DOCK3: variants seen among roughly 807,000 people sequenced by gnomAD.
DOCK3 encodes the protein dedicator of cytokinesis protein 3.
DOCK3 carries 60 observed loss-of-function variants against 265.6 expected under a neutral mutation model. The ratio of observed to expected loss-of-function variants is 0.23; its 90% CI spans 0.18 to 0.28. The LOEUF (loss-of-function observed/expected upper bound fraction) is 0.28, where lower values mean the gene tolerates loss of function less well. Ranked by LOEUF, DOCK3 falls within the 10% of genes least tolerant of loss-of-function variation. The pLI, the probability that DOCK3 is intolerant of heterozygous loss-of-function variation, is 1.00. For synonymous variants in DOCK3, 881 were observed against 938.0 expected (o/e 0.94, Z 1.11); for missense variants, 1,981 against 2,594.3 (o/e 0.76, Z 5.14).
chr3:51,209,188 C>T (rs2108145725), intron 13 of DOCK3, among the ~76,000 whole-genome samples: 1 of 152,284 alleles, frequency 6.6e-6, no homozygotes, highest in Admixed American at 6.5e-5. Context: ...AGATTATACT[C>T]AGCCAAATAA....
At position 51,354,632 on chromosome 3, in the gene DOCK3, G is replaced by A. The variant is rs150195706; in HGVS notation, c.4108-250G>A. Among the ~76,000 whole-genome samples the A allele has an allele frequency of 2.1e-3, 313 of 152,164 alleles. 3 individuals are homozygous for A. Among genetic ancestry groups the A allele is most frequent in the African/African-American group, 6.7e-3 (280 of 41,498 alleles). On this transcript the variant is annotated intron_variant, in intron 40 of 52. Coordinates refer to ENST00000266037, the MANE Select transcript of DOCK3 (RefSeq NM_004947.5). ...TCTCCCACCTTGCTCTCTTTCCTGC[G>A]TAAGGTTTTTCTTCTTCTTCCAAGC...
At chr3:51,337,442 C>T (rs2084945286) in intron 35 of DOCK3, among the ~76,000 whole-genome samples, 1 of 152,174 alleles carries the variant, frequency 6.6e-6, no homozygotes, top group African/African-American at 2.4e-5. Context: ...CACTCTCCAA[C>T]CTGACCCTAG....
intron 5 of DOCK3, among the ~76,000 whole-genome samples, chr3:51,052,913 T>C (rs1320744295): frequency 6.6e-6 from 1 of 151,724 alleles, no homozygotes; most frequent in African/African-American, 2.4e-5. Context: ...ATCATTGCAC[T>C]AGTGCAGGTT....
rs189145361 is a variant in DOCK3, at chr3:50,941,399, A to G, written c.315+7322A>G. 2.6e-3 allele frequency among the ~76,000 whole-genome samples: 389 copies of G among 152,276 alleles called. 1 individual carries two copies. Among genetic ancestry groups the G allele is most frequent in the Non-Finnish European group, 4.2e-3 (285 of 67,972 alleles). ...TATACCTGTTAGAATGACTGAAATA[A>G]AAATTACTGCTAATACCAAGTGATG... is the stretch of plus-strand genomic sequence containing the variant. On this transcript the variant is annotated intron_variant, in intron 5 of 52. Transcript: ENST00000266037.
At chr3:51,095,931 T>A (rs920627285) in intron 9 of DOCK3, among the ~76,000 whole-genome samples, 15 of 132,662 alleles carry the variant, frequency 1.1e-4, no homozygotes, top group Non-Finnish European at 2.1e-4. Context: ...AAAAAGAATG[T>A]TGACTATTGG....
intron 1 of DOCK3, among the ~76,000 whole-genome samples, chr3:50,738,543 T>C (rs1006077834): frequency 6.6e-6 from 1 of 152,240 alleles, no homozygotes; most frequent in Non-Finnish European, 1.5e-5. Context: ...TTTTAAAGAA[T>C]GACCTCTGCT....
chr3:50,965,696 C>G (rs779936510), intron 5 of DOCK3, among the ~76,000 whole-genome samples: 1 of 152,032 alleles, frequency 6.6e-6, no homozygotes, highest in Non-Finnish European at 1.5e-5. Flanking sequence ...AATGGCTTCC[C>G]TTTAGAATTT....
At chr3:50,824,726 TAA>T (rs1221459642) in intron 2 of DOCK3, among the ~76,000 whole-genome samples, 2 of 152,228 alleles carry the variant, frequency 1.3e-5, no homozygotes, top group Non-Finnish European at 2.9e-5. Context: ...TCTGATGCCT[TAA>T]GTTATCCTCT....
chr3:51,199,492 G>GC (rs1444844647), intron 12 of DOCK3, among the ~76,000 whole-genome samples: 1 of 152,194 alleles, frequency 6.6e-6, no homozygotes, highest in African/African-American at 2.4e-5. Context: ...GGGGAGGGGC[G>GC]CCCGCCATTG....
At chr3:50,803,131 T>G (rs1418341879) in intron 2 of DOCK3, among the ~76,000 whole-genome samples, 1 of 152,018 alleles carries the variant, frequency 6.6e-6, no homozygotes, top group Admixed American at 6.6e-5. Flanking sequence ...GACGGGGATT[T>G]GGCAGGGTCG....
intron 1 of DOCK3, among the ~76,000 whole-genome samples, chr3:50,738,478 A>G (rs991701215): frequency 9.2e-5 from 14 of 152,196 alleles, no homozygotes; most frequent in Non-Finnish European, 1.6e-4. Flanking sequence ...GCTCGCAGTC[A>G]TTTTAGAAAT....
chr3:51,290,951 A>G (rs2081723809), intron 27 of DOCK3, among the ~76,000 whole-genome samples: 1 of 152,042 alleles, frequency 6.6e-6, no homozygotes, highest in Admixed American at 6.6e-5. Flanking sequence ...GGTGGCGGGC[A>G]CCTGTAATCC....
chr3:50,838,343 G>A (rs1268571185), intron 2 of DOCK3, among the ~76,000 whole-genome samples: 1 of 152,210 alleles, frequency 6.6e-6, no homozygotes, highest in Non-Finnish European at 1.5e-5. Context: ...AAACTTGAGT[G>A]TTGTAAGAAT....
At chr3:50,794,219 G>A (rs1226903029) in intron 2 of DOCK3, among the ~76,000 whole-genome samples, 1 of 152,190 alleles carries the variant, frequency 6.6e-6, no homozygotes, top group Non-Finnish European at 1.5e-5. Context: ...TTGCTTTTGG[G>A]TGGAGAGTTC....
chr3:50,972,097 A>G (rs897929212), intron 5 of DOCK3, among the ~76,000 whole-genome samples: 1 of 152,230 alleles, frequency 6.6e-6, no homozygotes, highest in Admixed American at 6.5e-5. Context: ...CTCACAGTCA[A>G]AATGTCTTCT....
intron 23 of DOCK3, among the ~76,000 whole-genome samples, chr3:51,262,129 C>G (rs1316098447): frequency 6.6e-6 from 1 of 152,208 alleles, no homozygotes; most frequent in Non-Finnish European, 1.5e-5. Flanking sequence ...GGAGACATCT[C>G]CCAGTAGGGG....
At chr3:51,179,601 A>G (rs1439388668) in intron 12 of DOCK3, among the ~76,000 whole-genome samples, 1 of 152,198 alleles carries the variant, frequency 6.6e-6, no homozygotes, top group Non-Finnish European at 1.5e-5. Flanking sequence ...ATAAATATCT[A>G]ATGTGCGTAT....
chr3:50,691,277 C>G (rs2035222655), intron 1 of DOCK3, among the ~76,000 whole-genome samples: 1 of 143,486 alleles, frequency 7.0e-6, no homozygotes, highest in Non-Finnish European at 1.5e-5. Flanking sequence ...GAGCGAGACT[C>G]TGTCTCAAAA....
chr3:51,214,785 G>T (rs2089691058), intron 14 of DOCK3, among the ~76,000 whole-genome samples: 2 of 152,188 alleles, frequency 1.3e-5, no homozygotes, highest in African/African-American at 4.8e-5. Flanking sequence ...CTCAGGAATT[G>T]TATCACCCAT....
Sources: allele counts gnomAD v4.1 joint callset (sites outside exome capture counted in the v4.1 genomes callset), GRCh38; gene constraint gnomAD v4.1.1; transcripts MANE v1.5; gene names NCBI Gene and HGNC (gene_info 2026-07-23, HGNC 2026-07-21).